Variants in PTPRD observed in about 807,000 individuals in gnomAD.
PTPRD encodes the protein protein tyrosine phosphatase receptor type D, also known as receptor-type tyrosine-protein phosphatase delta.
PTPRD carries 34 observed loss-of-function variants against 214.5 expected under a neutral mutation model. That is an observed-to-expected ratio of 0.16 (90% CI 0.12 to 0.21). The LOEUF is 0.21. PTPRD is among the 10% of genes least tolerant of loss of function. The pLI is 1.00. For missense variants in PTPRD, 2,545 were observed against 2,398.7 expected, an observed-to-expected ratio of 1.06 and a Z score of -1.27; for synonymous variants, 1,128 against 845.7, an observed-to-expected ratio of 1.33 and a Z score of -5.79.
intron 7 of PTPRD, among the ~76,000 whole-genome samples, chr9:9,592,350 C>T (rs868829175): frequency 9.9e-5 from 15 of 151,860 alleles, no homozygotes; most frequent in Non-Finnish European, 7.4e-5. Context: ...CAAAATCAAA[C>T]AAAACAAAAT....
intron 10 of PTPRD, among the ~76,000 whole-genome samples, chr9:9,120,481 T>C (rs887054568): frequency 6.6e-6 from 1 of 152,204 alleles, no homozygotes; most frequent in African/African-American, 2.4e-5. Context: ...TATGGAGCTA[T>C]GGAAAAGTCT....
intron 7 of PTPRD, among the ~76,000 whole-genome samples, chr9:9,658,577 T>C (rs937627624): frequency 1.5e-4 from 23 of 152,160 alleles, no homozygotes; most frequent in African/African-American, 5.5e-4. Flanking sequence ...AGATCACTTG[T>C]GAGATCCCTT....
chr9:10,242,846 C>A, intron 3 of PTPRD, among the ~76,000 whole-genome samples: 2 of 139,372 alleles, frequency 1.4e-5, no homozygotes, highest in Admixed American at 7.3e-5. Flanking sequence ...TGGGTGTGAC[C>A]AAGAAATTTG....
At chr9:9,104,154 G>A (rs1222063197) in intron 10 of PTPRD, among the ~76,000 whole-genome samples, 1 of 152,068 alleles carries the variant, frequency 6.6e-6, no homozygotes, top group Non-Finnish European at 1.5e-5. Flanking sequence ...GGCTTTGTGG[G>A]CTATCCAGTC....
chr9:9,613,662 T>C lies in PTPRD; in HGVS notation c.-286-38881A>G, dbSNP rs538042205. ...TATATCGGTCTTTTCCAATCACATT[T>C]TTCTCTTACTCATTTCTACAGTAAG... is the stretch of plus-strand genomic sequence containing the variant. On this transcript the variant is annotated intron_variant, in intron 7 of 45. Transcript: ENST00000381196. 1.2e-4 allele frequency among the ~76,000 whole-genome samples: 18 copies of C among 152,306 alleles called. No individual in the cohort carries two copies. The South Asian group carries it at 3.7e-3, about 32-fold the overall frequency.
chr9:8,374,486 A>C (rs1476917385), intron 39 of PTPRD, among the ~76,000 whole-genome samples: 1 of 152,064 alleles, frequency 6.6e-6, no homozygotes, highest in African/African-American at 2.4e-5. Flanking sequence ...ATCATGCAGA[A>C]AACTGCAACT....
intron 3 of PTPRD, among the ~76,000 whole-genome samples, chr9:10,264,462 T>C (rs186380686): frequency 6.6e-6 from 1 of 152,136 alleles, no homozygotes; most frequent in Non-Finnish European, 1.5e-5. Context: ...GGAGATCATT[T>C]TGGAGCTTTA....
intron 10 of PTPRD, among the ~76,000 whole-genome samples, chr9:9,068,827 G>C (rs182097994): frequency 3.3e-5 from 5 of 152,174 alleles, no homozygotes; most frequent in Admixed American, 2.0e-4. Flanking sequence ...GGCCAGGATG[G>C]TCTCGATCTC....
Position 8,504,312 on chromosome 9 carries a change from G to C in PTPRD, c.1771C>G (p.Gln591Glu), listed in dbSNP as rs1189856782. Residue 591 changes from glutamine (Q) to glutamate (E), a missense_variant, in exon 23 of 46, where the codon CAA becomes GAA. By Grantham distance (29) the Gln-to-Glu change is conservative. Transcript: ENST00000381196. ...TCTGCAGTAGAAGCACCCAGGCCTT[G>C]AGGGGAGCGTGCAGCCAGACGGAAA... ...YYFRLAARSP[Q>E]GLGASTAEIS... The C allele has an allele frequency of 1.2e-5, 19 of 1,614,172 alleles. No individual in the cohort carries two copies. Among genetic ancestry groups the C allele is most frequent in the Non-Finnish European group, 1.6e-5 (19 of 1,179,992 alleles).
intron 8 of PTPRD, among the ~76,000 whole-genome samples, chr9:9,515,805 T>G (rs1286514894): frequency 6.6e-6 from 1 of 152,060 alleles, no homozygotes. Context: ...CTTTTTTCCT[T>G]TCTGTAGATT....
At chr9:10,010,529 G>C (rs1250084132) in intron 4 of PTPRD, among the ~76,000 whole-genome samples, 2 of 151,764 alleles carry the variant, frequency 1.3e-5, no homozygotes, top group Non-Finnish European at 2.9e-5. Context: ...AGTTCCATAG[G>C]ATGAGTTCCA....
At chr9:9,550,541 C>CAT (rs1208845187) in intron 8 of PTPRD, among the ~76,000 whole-genome samples, 1 of 148,598 alleles carries the variant, frequency 6.7e-6, no homozygotes, top group Non-Finnish European at 1.5e-5. Context: ...TATAGTATAG[C>CAT]ATATATATAT....
chr9:9,087,617 A>G (rs542746135), intron 10 of PTPRD, among the ~76,000 whole-genome samples: 1 of 152,296 alleles, frequency 6.6e-6, no homozygotes, highest in Admixed American at 6.5e-5. Flanking sequence ...ATTGTGCTAG[A>G]GTTCATCACA....
chr9:10,499,443 T>G (rs1271573306), intron 2 of PTPRD, among the ~76,000 whole-genome samples: 1 of 151,946 alleles, frequency 6.6e-6, no homozygotes, highest in Admixed American at 6.6e-5. Flanking sequence ...TCTTAAAATC[T>G]CTTACCATCA....
chr9:8,414,159 T>C (rs987647352), intron 35 of PTPRD, among the ~76,000 whole-genome samples: 2 of 152,078 alleles, frequency 1.3e-5, no homozygotes, highest in Non-Finnish European at 2.9e-5. Flanking sequence ...AAAGGTGTGA[T>C]GATGAAACAA....
chr9:9,013,136 TTA>T (rs2099518768), intron 11 of PTPRD, among the ~76,000 whole-genome samples: 1 of 152,214 alleles, frequency 6.6e-6, no homozygotes, highest in East Asian at 1.9e-4. Flanking sequence ...TTGCTAGCTC[TTA>T]TTTTTTTTTC....
At position 8,458,927 on chromosome 9, in the gene PTPRD, T is replaced by A. The variant is rs368945223; in HGVS notation, c.3875+1484A>T. 4.6e-5 allele frequency among the ~76,000 whole-genome samples: 7 copies of A among 152,246 alleles called. No homozygotes were observed. In the East Asian group the frequency reaches 9.7e-4, roughly 21 times the overall value. ...GGATATATCTTTCATTCTTTATAACTCTAAAATAGGATAGGCAATTTAATG... is the reference window on the plus strand; with the variant it reads ...GGATATATCTTTCATTCTTTATAACACTAAAATAGGATAGGCAATTTAATG... On this transcript the variant is annotated intron_variant, in intron 33 of 45. Transcript: ENST00000381196.
At chr9:10,217,465 A>G (rs2099546837) in intron 3 of PTPRD, among the ~76,000 whole-genome samples, 2 of 151,950 alleles carry the variant, frequency 1.3e-5, no homozygotes, top group Admixed American at 6.6e-5. Flanking sequence ...GAAGGCAAGT[A>G]TATTTCTGTT....
At chr9:8,777,896 T>A (rs1237800580) in intron 11 of PTPRD, among the ~76,000 whole-genome samples, 4 of 152,186 alleles carry the variant, frequency 2.6e-5, no homozygotes, top group African/African-American at 9.6e-5. Context: ...CAACCCACCA[T>A]GAAAAACATC....
Sources: allele counts gnomAD v4.1 joint callset (sites outside exome capture counted in the v4.1 genomes callset), GRCh38; gene constraint gnomAD v4.1.1; transcripts MANE v1.5; gene names NCBI Gene and HGNC (gene_info 2026-07-23, HGNC 2026-07-21).